The following CAST variants were observed in gnomAD, a reference collection of about 807,000 sequenced individuals.
CAST encodes calpastatin, also known as MIR583 host.
Under a neutral mutation model 119.6 loss-of-function variants are expected in CAST, and 76 were observed. That is an observed-to-expected ratio of 0.64 (90% CI 0.53 to 0.77). The LOEUF (loss-of-function observed/expected upper bound fraction) is 0.77, where lower values mean the gene tolerates loss of function less well. CAST is among the 30% of genes least tolerant of loss of function. CAST has a pLI of 0.00. For synonymous variants in CAST, 319 were observed against 331.6 expected (o/e 0.96, Z 0.41); for missense variants, 953 against 946.5 (o/e 1.01, Z -0.09).
At chr5:96,048,921 G>T in the CAST span, among the ~76,000 whole-genome samples, 1 of 152,212 alleles carries the variant, frequency 6.6e-6, no homozygotes, top group Non-Finnish European at 1.5e-5. Context: ...TCAGCCAGGA[G>T]CCATGTAGGA....
chr5:96,578,029 G>T (rs73152021), intron 1 of CAST, among the ~76,000 whole-genome samples: 2,821 of 152,234 alleles, frequency 0.019, 74 homozygotes, highest in African/African-American at 0.065. Flanking sequence ...TGAGAGAAGG[G>T]TATGGAAGTC....
At chr5:96,474,678 C>A in the CAST span, among the ~76,000 whole-genome samples, 8 of 152,090 alleles carry the variant, frequency 5.3e-5, no homozygotes, top group South Asian at 8.3e-4. Context: ...AGGCCCCCTG[C>A]TTGTCACATG....
At chr5:96,750,537 A>T in intron 19 of CAST, 50 bp from the exon 20 acceptor site, 1 of 1,208,196 alleles carries the variant, frequency 8.3e-7, no homozygotes, top group Non-Finnish European at 1.2e-6. Flanking sequence ...ACTCAGTCTT[A>T]TTAACCAAAT....
chr5:96,551,221 T>G (rs748626580), intron 1 of CAST, among the ~76,000 whole-genome samples: 3 of 152,220 alleles, frequency 2.0e-5, no homozygotes, highest in Non-Finnish European at 4.4e-5. Context: ...CAGATCTCTC[T>G]GCAGAAACCC....
chr5:96,305,136 T>G, the CAST span, among the ~76,000 whole-genome samples: 1 of 152,278 alleles, frequency 6.6e-6, no homozygotes, highest in South Asian at 2.1e-4. Flanking sequence ...TGAGTAGTGG[T>G]TTGTAGTTCT....
intron 1 of CAST, among the ~76,000 whole-genome samples, chr5:96,674,667 G>A (rs1276941362): frequency 1.3e-5 from 2 of 152,094 alleles, no homozygotes; most frequent in Admixed American, 6.5e-5. Flanking sequence ...TATACCCCAC[G>A]TAAAAATATT....
At chr5:96,263,007 C>T in the CAST span, among the ~76,000 whole-genome samples, 7 of 152,170 alleles carry the variant, frequency 4.6e-5, no homozygotes, top group Non-Finnish European at 1.0e-4. Context: ...GGTCCTTCCC[C>T]ACGTCTAGTG....
At chr5:96,376,940 A>G in the CAST span, among the ~76,000 whole-genome samples, 2 of 152,186 alleles carry the variant, frequency 1.3e-5, no homozygotes, top group East Asian at 1.9e-4. Context: ...GAAGACAGTG[A>G]TATTGATAAT....
chr5:96,186,394 A>C, the CAST span, among the ~76,000 whole-genome samples: 4 of 152,060 alleles, frequency 2.6e-5, no homozygotes, highest in Non-Finnish European at 5.9e-5. Context: ...ATTGGGTAGG[A>C]GTGGTGAGAC....
At chr5:96,428,944 A>G in the CAST span, among the ~76,000 whole-genome samples, 1 of 152,268 alleles carries the variant, frequency 6.6e-6, no homozygotes, top group Non-Finnish European at 1.5e-5. Flanking sequence ...GTGTACATAT[A>G]AAATTAACTT....
chr5:96,625,107 T>C (rs1476540675), intron 1 of CAST, among the ~76,000 whole-genome samples: 2 of 152,198 alleles, frequency 1.3e-5, no homozygotes, highest in Admixed American at 1.3e-4. Context: ...TTAATATCCA[T>C]AATTCTGTGA....
the CAST span, among the ~76,000 whole-genome samples, chr5:96,447,336 G>A: frequency 6.6e-6 from 1 of 152,216 alleles, no homozygotes. Flanking sequence ...TCAGGCAGTG[G>A]CAGAAGTCAT....
At chr5:96,005,245 C>A in the CAST span, among the ~76,000 whole-genome samples, 8 of 151,998 alleles carry the variant, frequency 5.3e-5, no homozygotes, top group Admixed American at 4.6e-4. Flanking sequence ...GGGGATGAAA[C>A]AGGAAATTGG....
chr5:96,354,060 C>G, the CAST span, among the ~76,000 whole-genome samples: 1 of 152,144 alleles, frequency 6.6e-6, no homozygotes, highest in Non-Finnish European at 1.5e-5. Context: ...CTCTCATATT[C>G]CACATTCAAT....
chr5:96,464,875 G>A, the CAST span, among the ~76,000 whole-genome samples: 1 of 152,036 alleles, frequency 6.6e-6, no homozygotes, highest in Non-Finnish European at 1.5e-5. Flanking sequence ...TTCTTTGGGA[G>A]TATTGTAGTT....
At chr5:95,968,044 C>T in the CAST span, among the ~76,000 whole-genome samples, 1 of 152,062 alleles carries the variant, frequency 6.6e-6, no homozygotes, top group Admixed American at 6.6e-5. Context: ...CCAAATCTCG[C>T]ATATCTACCT....
chr5:96,555,895 A>T (rs538101588), intron 1 of CAST, among the ~76,000 whole-genome samples: 1 of 152,332 alleles, frequency 6.6e-6, no homozygotes, highest in South Asian at 2.1e-4. Flanking sequence ...CCCAGCACGC[A>T]GCTGGAGATC....
the CAST span, among the ~76,000 whole-genome samples, chr5:96,332,154 CCTT>C: frequency 6.6e-6 from 1 of 152,116 alleles, no homozygotes; most frequent in Non-Finnish European, 1.5e-5. Flanking sequence ...TCAATAAAAG[CCTT>C]CTTCTCCCAA....
At chr5:96,386,650 G>A in the CAST span, among the ~76,000 whole-genome samples, 141,037 of 152,310 alleles carry the variant, frequency 0.93, 65,503 homozygotes, top group African/African-American at 0.98. Context: ...ACTAACATTT[G>A]CTGAATATTT....
Sources: allele counts gnomAD v4.1 joint callset (sites outside exome capture counted in the v4.1 genomes callset), GRCh38; gene constraint gnomAD v4.1.1; transcripts MANE v1.5; gene names NCBI Gene and HGNC (gene_info 2026-07-23, HGNC 2026-07-21).